Variants in MAGI2 observed in about 807,000 individuals in gnomAD.
MAGI2 encodes membrane-associated guanylate kinase, WW and PDZ domain-containing protein 2.
MAGI2 carries 35 observed loss-of-function variants against 133.3 expected under a neutral mutation model. That is an observed-to-expected ratio of 0.26 (90% CI 0.20 to 0.35). MAGI2 has a LOEUF of 0.35. Ranked by LOEUF, MAGI2 falls within the 10% of genes least tolerant of loss-of-function variation. The pLI, the probability that MAGI2 is intolerant of heterozygous loss-of-function variation, is 1.00. For missense variants in MAGI2, 1,636 were observed against 1,863.4 expected, an observed-to-expected ratio of 0.88 and a Z score of 2.25; for synonymous variants, 729 against 710.6, an observed-to-expected ratio of 1.03 and a Z score of -0.41.
chr7:79,097,645 A>G (rs1817632415), intron 1 of MAGI2, among the ~76,000 whole-genome samples: 1 of 152,226 alleles, frequency 6.6e-6, no homozygotes, highest in Non-Finnish European at 1.5e-5. Context: ...GTGAAGGCCA[A>G]GAGAAGTACT....
At chr7:78,832,508 G>A (rs1045803414) in intron 2 of MAGI2, among the ~76,000 whole-genome samples, 12 of 152,140 alleles carry the variant, frequency 7.9e-5, no homozygotes, top group Non-Finnish European at 1.8e-4. Context: ...TCTTTCATTT[G>A]TCCCAGCAGA....
In MAGI2 at chr7:78,655,808, T is replaced by C. The variant is rs867022554; in HGVS notation, c.419-28569A>G. ...CATCCTGGCTAACACGGTGAAACCC[T>C]GTCTCTACTAAAAATATAAAAAATT... On this transcript the variant is annotated intron_variant, in intron 2 of 21. Transcript: ENST00000354212. Among the ~76,000 whole-genome samples, 316 of 151,672 alleles carry C rather than the reference T, an allele frequency of 2.1e-3. 3 individuals carry two copies. Among genetic ancestry groups the C allele is most frequent in the African/African-American group, 7.0e-3 (289 of 41,432 alleles).
chr7:79,347,654 G>A (rs1466769919), intron 1 of MAGI2, among the ~76,000 whole-genome samples: 1 of 151,786 alleles, frequency 6.6e-6, no homozygotes, highest in Non-Finnish European at 1.5e-5. Context: ...TGGAAGAGCT[G>A]TTTTCCCCTT....
At position 78,132,771 on chromosome 7, in the gene MAGI2, C is replaced by T. The variant is rs371073633; in HGVS notation, c.3203+118G>A. The stretch of plus-strand genomic sequence containing the variant: ...CCTCGAAATCACACAAAGGTATGCA[C>T]GGCGATTTCTACTTTATAAAAGTCT... On this transcript the variant is annotated intron_variant, in intron 18 of 21. Transcript: ENST00000354212. 5.0e-4 allele frequency: 732 copies of T among 1,452,054 alleles called. 8 individuals are homozygous for T. In the South Asian group the frequency reaches 7.2e-3, roughly 14 times the overall value. 89.9% of individuals were successfully genotyped at this position (1,452,054 alleles called of 1,614,324 possible).
intron 20 of MAGI2, among the ~76,000 whole-genome samples, chr7:78,124,948 C>T (rs760416341): frequency 1.7e-4 from 26 of 151,680 alleles, no homozygotes; most frequent in Admixed American, 9.8e-4. Context: ...CTGCAACCTC[C>T]GCCTCCCTGG....
At chr7:79,075,798 C>T (rs1202116137) in intron 1 of MAGI2, among the ~76,000 whole-genome samples, 1 of 151,994 alleles carries the variant, frequency 6.6e-6, no homozygotes, top group Non-Finnish European at 1.5e-5. Flanking sequence ...TCTAAACATT[C>T]TAATAAAAAG....
In MAGI2 at chr7:78,654,598, C is replaced by T. The variant is rs183288289; in HGVS notation, c.419-27359G>A. Reference sequence around the variant, plus strand: ...TCTGTGCTTAAACACTTTTCCCCTACCTAACAGATGTTACTAGCCCATAGC... The same window carrying T: ...TCTGTGCTTAAACACTTTTCCCCTATCTAACAGATGTTACTAGCCCATAGC... On this transcript the variant is annotated intron_variant, in intron 2 of 21. Coordinates refer to ENST00000354212, the MANE Select transcript of MAGI2 (RefSeq NM_012301.4). Among the ~76,000 whole-genome samples the T allele has an allele frequency of 5.8e-4, 88 of 150,894 alleles. 1 individual carries two copies. In the East Asian group the frequency reaches 0.017, roughly 29 times the overall value.
At chr7:78,955,366 T>C (rs117491513) in intron 2 of MAGI2, among the ~76,000 whole-genome samples, 8,229 of 152,234 alleles carry the variant, frequency 0.054, 251 homozygotes, top group Non-Finnish European at 0.078. Context: ...TACATGCATG[T>C]AATATGTAAT....
chr7:78,665,764 C>T (rs1010886092), intron 2 of MAGI2, among the ~76,000 whole-genome samples: 1 of 152,012 alleles, frequency 6.6e-6, no homozygotes, highest in Non-Finnish European at 1.5e-5. Context: ...AAGAATCATA[C>T]TTTATTGTGT....
intron 9 of MAGI2, among the ~76,000 whole-genome samples, chr7:78,269,370 C>T (rs1314114576): frequency 1.3e-5 from 2 of 152,158 alleles, no homozygotes; most frequent in Non-Finnish European, 2.9e-5. Flanking sequence ...CACTGTCTTC[C>T]ACAATAGTTG....
rs1294660106 is a variant in MAGI2, at chr7:78,501,612, C to A, written c.930G>T (p.Met310Ile). 22 of 1,613,818 alleles carry A rather than the reference C, an allele frequency of 1.4e-5. No homozygotes were observed. The highest frequency in any genetic ancestry group is 1.6e-5 in the Non-Finnish European group (19 of 1,180,024). ...EPDPLPDNWE[M>I]AYTEKGEVYF... ...AGACTTCGCCCTTCTCTGTATAGGC[C>A]ATTTCCCAGTTATCAGGCAATGGGT... The change falls in exon 5 of 22, where the codon ATG (methionine) becomes ATT (isoleucine). Residue 310 changes from methionine (M) to isoleucine (I), a missense_variant. Physicochemically the swap from Met to Ile is conservative, Grantham distance 10. This residue lies in a region of MAGI2 where 920 missense variants were observed against 1,093.5 expected (regional missense o/e 0.84). Coordinates refer to ENST00000354212, the MANE Select transcript of MAGI2 (RefSeq NM_012301.4).
intron 6 of MAGI2, among the ~76,000 whole-genome samples, chr7:78,425,750 C>T (rs574605044): frequency 6.6e-6 from 1 of 152,218 alleles, no homozygotes; most frequent in Admixed American, 6.5e-5. Context: ...TCAGAAAGGC[C>T]ACAGCTTAGA....
At chr7:79,028,493 A>G (rs113677798) in intron 1 of MAGI2, among the ~76,000 whole-genome samples, 2,111 of 151,418 alleles carry the variant, frequency 0.014, 23 homozygotes, top group Middle Eastern at 0.034. Context: ...ACTACTTCCT[A>G]TGGGTAGGCT....
intron 16 of MAGI2, among the ~76,000 whole-genome samples, chr7:78,155,603 C>T (rs1824309180): frequency 6.6e-6 from 1 of 152,132 alleles, no homozygotes; most frequent in Non-Finnish European, 1.5e-5. Flanking sequence ...GCCTGGGCAA[C>T]AGGGTGAGAC....
intron 3 of MAGI2, among the ~76,000 whole-genome samples, chr7:78,523,908 C>A (rs994468709): frequency 1.3e-5 from 2 of 152,066 alleles, no homozygotes; most frequent in African/African-American, 4.8e-5. Flanking sequence ...ACAAAGGAGC[C>A]CACTCCAGAC....
intron 2 of MAGI2, among the ~76,000 whole-genome samples, chr7:78,733,935 A>G (rs1350448410): frequency 6.6e-6 from 1 of 152,224 alleles, no homozygotes; most frequent in Admixed American, 6.5e-5. Context: ...ATTGACTGAT[A>G]AGCAACAAAA....
intron 20 of MAGI2, among the ~76,000 whole-genome samples, chr7:78,108,642 ATGTGTGTG>A (rs71844818): frequency 0.041 from 6,044 of 148,784 alleles, 143 homozygotes; most frequent in East Asian, 0.065. Context: ...CTCTCTCTGT[ATGTGTGTG>A]TGTGTGTGTG....
intron 3 of MAGI2, among the ~76,000 whole-genome samples, chr7:78,577,256 T>G (rs1056042720): frequency 7.9e-5 from 12 of 152,168 alleles, no homozygotes; most frequent in African/African-American, 2.9e-4. Context: ...GTGATAAAAG[T>G]AATTCTAAAG....
intron 2 of MAGI2, among the ~76,000 whole-genome samples, chr7:78,924,144 G>A (rs1799495716): frequency 6.6e-6 from 1 of 152,154 alleles, no homozygotes; most frequent in East Asian, 1.9e-4. Context: ...CTGCAAACAG[G>A]GACAATTTGA....
Sources: gnomAD v4.1 joint callset for allele counts (sites outside exome capture counted in the v4.1 genomes callset) on GRCh38, gnomAD v4.1.1 for gene constraint, gnomAD v4.1.1 regional missense constraint, MANE v1.5 for transcripts, NCBI Gene and HGNC (gene_info 2026-07-23, HGNC 2026-07-21) for gene names.